The following PARP1 variants were observed in gnomAD, a reference collection of about 807,000 sequenced individuals.
The protein encoded by PARP1 is poly(ADP-ribose) polymerase 1.
In PARP1, 44 loss-of-function variants were observed where a neutral mutation model predicts 118.7. The ratio of observed to expected loss-of-function variants is 0.37; its 90% CI spans 0.29 to 0.48. The LOEUF is 0.48. PARP1 is among the 20% of genes least tolerant of loss of function. The probability of loss-of-function intolerance (pLI) is 0.99; values close to 1 mark genes in which losing one functional copy is unlikely to be tolerated. For missense variants in PARP1, 1,100 were observed against 1,272.4 expected (o/e 0.86, Z 2.06); for synonymous variants, 492 against 483.2 (o/e 1.02, Z -0.24).
rs113708883 is a variant in PARP1, at chr1:226,365,382, G to A, written c.2506-228C>T. 2.2e-3 allele frequency among the ~76,000 whole-genome samples: 340 copies of A among 152,326 alleles called. 1 individual carries two copies. Among genetic ancestry groups the A allele is most frequent in the African/African-American group, 7.5e-3 (313 of 41,574 alleles). ...GTTAGTATTACTGTGCAGCAGATGT[G>A]CACTTGAGGAACTTTATCTTGGACA... On this transcript the variant is annotated intron_variant, in intron 18 of 22. Transcript: ENST00000366794.
chr1:226,405,382 C>T (rs372570412), intron 1 of PARP1, among the ~76,000 whole-genome samples: 15 of 152,210 alleles, frequency 9.9e-5, no homozygotes, highest in Non-Finnish European at 2.2e-4. Flanking sequence ...CAGCTCACTG[C>T]AACCTCCACC....
At chr1:226,377,009 T>C in intron 13 of PARP1, 99 bp downstream of exon 13, 1 of 1,057,774 alleles carries the variant, frequency 9.5e-7, no homozygotes, top group South Asian at 1.3e-5. Context: ...TGGTAGTATG[T>C]TTACTATGAT....
In PARP1 at chr1:226,368,199, C is replaced by T. The variant is rs2102728825; in HGVS notation, c.2277G>A (p.Gln759=). 1 of 1,614,192 alleles carries T rather than the reference C, an allele frequency of 6.2e-7. No individual in the cohort carries two copies. Residue 759 remains glutamine (Q), a splice_region_variant and synonymous_variant, in exon 16 of 23, where the codon CAG becomes CAA. Coordinates refer to ENST00000366794, the MANE Select transcript of PARP1 (RefSeq NM_001618.4). ...PPLLNNADSV[Q]AKVEMLDNLL... The stretch of plus-strand genomic sequence containing the variant: ...AGTCCCTTCTGAACCCTTGCGCTAC[C>T]TGCACACTGTCTGCATTGTTCAGGA...
chr1:226,396,207 G>A (rs1455334496), intron 2 of PARP1, among the ~76,000 whole-genome samples: 2 of 152,036 alleles, frequency 1.3e-5, no homozygotes, highest in Admixed American at 6.6e-5. Context: ...TTAGCCAGAC[G>A]TGGTGGCGCA....
intron 7 of PARP1, 73 bp from the exon 8 acceptor site, chr1:226,383,256 T>C (rs574055547): frequency 2.4e-6 from 3 of 1,227,622 alleles, no homozygotes; most frequent in Admixed American, 1.8e-5. Flanking sequence ...CAAAGAGGAT[T>C]TGGCTTGTCC....
intron 1 of PARP1, among the ~76,000 whole-genome samples, chr1:226,407,412 C>G (rs993589589): frequency 6.6e-6 from 1 of 150,998 alleles, no homozygotes. Context: ...CGCCACCATC[C>G]ATGTAGAACA....
Position 226,383,075 on chromosome 1 carries a change from C to G in PARP1, c.1120G>C (p.Ala374Pro). ...SVAATPPPST[A>P]SAPAAVNSSA... is the part of the protein sequence containing the mutation. ...GAGTTCACAGCAGCAGGAGCCGAGG[C>G]TGTGGAGGGCGGAGGCGTGGCCGCC... Residue 374 changes from alanine to proline, a missense_variant, in exon 8 of 23, where the codon GCC becomes CCC. Around this residue, in one of 2 missense-constraint regions of PARP1, gnomAD observed 948 missense variants for 1,031.8 expected, o/e 0.92. Coordinates refer to ENST00000366794, the MANE Select transcript of PARP1 (RefSeq NM_001618.4). The G allele has an allele frequency of 1.2e-6, 2 of 1,612,998 alleles. No homozygotes were observed. Among genetic ancestry groups the G allele is most frequent in the Non-Finnish European group, 8.5e-7 (1 of 1,180,042 alleles).
chr1:226,367,070 CA>C (rs1664285091), intron 17 of PARP1: 1 of 276,366 alleles, frequency 3.6e-6, no homozygotes, highest in African/African-American at 2.2e-5. Flanking sequence ...TGCCATCAAG[CA>C]TTTCCACTTC....
At chr1:226,375,587 G>A (rs1664472332) in intron 13 of PARP1, among the ~76,000 whole-genome samples, 1 of 152,142 alleles carries the variant, frequency 6.6e-6, no homozygotes, top group Non-Finnish European at 1.5e-5. Context: ...ATATACACCA[G>A]ATTTCAAAGA....
intron 14 of PARP1, among the ~76,000 whole-genome samples, chr1:226,371,317 C>G (rs77572260): frequency 0.014 from 2,185 of 152,328 alleles, 59 homozygotes; most frequent in African/African-American, 0.048. Context: ...TCTGAGCTCC[C>G]TGGGGGCCGT....
At chr1:226,392,617 G>A in intron 2 of PARP1, 1 of 543,598 alleles carries the variant, frequency 1.8e-6, no homozygotes, top group South Asian at 2.1e-5. Context: ...CCACACTTTA[G>A]AAAGCACTTA....
At position 226,380,112 on chromosome 1, in the gene PARP1, G is replaced by A. The variant is rs1664576396; in HGVS notation, c.1353C>T (p.Ile451=). ...GGAGGAAGTCCTCAGACACAACTCG[G>A]ATGTTGGCTTCCTTTACTTCCTCCA... is the stretch of plus-strand genomic sequence containing the variant. ...KKMEEVKEAN[I]RVVSEDFLQD... is the part of the protein sequence containing the mutation. The change falls in exon 10 of 23, where the codon ATC becomes ATT. Residue 451 remains isoleucine, a synonymous_variant. Coordinates refer to ENST00000366794, the MANE Select transcript of PARP1 (RefSeq NM_001618.4). 1 of 1,613,982 alleles carries A rather than the reference G, an allele frequency of 6.2e-7. No individual in the cohort carries two copies. The highest frequency in any genetic ancestry group is 8.5e-7 in the Non-Finnish European group (1 of 1,179,972).
chr1:226,363,837 A>T, intron 20 of PARP1, 106 bp downstream of exon 20: 1 of 1,177,888 alleles, frequency 8.5e-7, no homozygotes, highest in Non-Finnish European at 1.3e-6. Context: ...GCGTCCAGTA[A>T]CTGCAGTGGG....
At chr1:226,390,333 T>C in intron 4 of PARP1, 77 bp downstream of exon 4, 1 of 1,234,426 alleles carries the variant, frequency 8.1e-7, no homozygotes, top group Non-Finnish European at 1.2e-6. Flanking sequence ...AGGAGTGGTA[T>C]GGAACCTGTA....
chr1:226,379,311 C>T (rs772302908), intron 11 of PARP1, 37 bp from the exon 12 acceptor site: 1 of 1,613,582 alleles, frequency 6.2e-7, no homozygotes, highest in East Asian at 2.2e-5. Context: ...TTTTCTCTCC[C>T]CTTGAGGTGC....
intron 21 of PARP1, among the ~76,000 whole-genome samples, chr1:226,362,728 C>T (rs760886702): frequency 2.0e-5 from 3 of 152,166 alleles, no homozygotes; most frequent in Admixed American, 6.5e-5. Flanking sequence ...AGGTTAAAGC[C>T]GAAACCCGTG....
intron 1 of PARP1, among the ~76,000 whole-genome samples, chr1:226,404,327 A>G (rs1341038804): frequency 6.6e-6 from 1 of 152,192 alleles, no homozygotes; most frequent in African/African-American, 2.4e-5. Flanking sequence ...CCAGATCTCA[A>G]TTAGGCTGCT....
At chr1:226,378,215 A>G (rs1264283611) in intron 12 of PARP1, among the ~76,000 whole-genome samples, 1 of 152,142 alleles carries the variant, frequency 6.6e-6, no homozygotes, top group Non-Finnish European at 1.5e-5. Context: ...ATTTAGTAAG[A>G]GTTCCTTCCA....
intron 2 of PARP1, among the ~76,000 whole-genome samples, chr1:226,401,249 G>A (rs761349761): frequency 3.3e-5 from 5 of 152,198 alleles, no homozygotes; most frequent in Non-Finnish European, 5.9e-5. Context: ...CCTTGGCTTC[G>A]CTCTGGAAAG....
Sources: gnomAD v4.1 joint callset for allele counts (sites outside exome capture counted in the v4.1 genomes callset) on GRCh38, gnomAD v4.1.1 for gene constraint, gnomAD v4.1.1 regional missense constraint, MANE v1.5 for transcripts, NCBI Gene and HGNC (gene_info 2026-07-23, HGNC 2026-07-21) for gene names.